The following RPS6KA5 variants were observed in gnomAD, a reference collection of about 807,000 sequenced individuals.
RPS6KA5 encodes ribosomal protein S6 kinase A5.
A neutral mutation model predicts 85.5 loss-of-function variants in RPS6KA5; 27 were observed. The ratio of observed to expected loss-of-function variants is 0.32; its 90% CI spans 0.23 to 0.44. RPS6KA5 has a LOEUF of 0.44. RPS6KA5 is among the 20% of genes least tolerant of loss of function. RPS6KA5 has a pLI of 1.00. For missense variants in RPS6KA5, 811 were observed against 980.9 expected (o/e 0.83, Z 2.31); for synonymous variants, 334 against 348.2 (o/e 0.96, Z 0.46).
At chr14:90,997,590 AG>A (rs2040585862) in intron 2 of RPS6KA5, among the ~76,000 whole-genome samples, 1 of 152,206 alleles carries the variant, frequency 6.6e-6, no homozygotes, top group Non-Finnish European at 1.5e-5. Context: ...TATTTTGCCC[AG>A]GCTAGTCTCC....
intron 1 of RPS6KA5, among the ~76,000 whole-genome samples, chr14:91,043,112 C>A (rs571040533): frequency 1.3e-5 from 2 of 152,180 alleles, no homozygotes; most frequent in African/African-American, 2.4e-5. Context: ...CCTGCCACCC[C>A]CTAAAGCATC....
At chr14:91,055,742 G>A (rs2043285749) in intron 1 of RPS6KA5, among the ~76,000 whole-genome samples, 1 of 152,192 alleles carries the variant, frequency 6.6e-6, no homozygotes. Flanking sequence ...TCGCACCACT[G>A]CACTCCAGCC....
chr14:90,987,275 G>A (rs1032559889), intron 2 of RPS6KA5, among the ~76,000 whole-genome samples: 3 of 152,072 alleles, frequency 2.0e-5, no homozygotes, highest in Non-Finnish European at 4.4e-5. Context: ...ACACTTAAAA[G>A]AATAAAATGA....
chr14:90,941,656 C>A (rs1360021109), intron 5 of RPS6KA5, among the ~76,000 whole-genome samples: 2 of 152,196 alleles, frequency 1.3e-5, no homozygotes, highest in Admixed American at 6.5e-5. Context: ...CCTCCTGGGT[C>A]CTGCATCACT....
intron 7 of RPS6KA5, among the ~76,000 whole-genome samples, chr14:90,914,048 A>G (rs1393988386): frequency 6.6e-6 from 1 of 152,224 alleles, no homozygotes; most frequent in Non-Finnish European, 1.5e-5. Flanking sequence ...AGTCGTGAAC[A>G]CAGAAAACTA....
intron 6 of RPS6KA5, among the ~76,000 whole-genome samples, chr14:90,920,618 A>C (rs1189867559): frequency 1.3e-5 from 2 of 151,776 alleles, no homozygotes; most frequent in African/African-American, 4.8e-5. Context: ...TGGGCTTATG[A>C]TAGGGAACTA....
At chr14:90,972,370 T>C (rs956962173) in intron 3 of RPS6KA5, among the ~76,000 whole-genome samples, 6 of 152,134 alleles carry the variant, frequency 3.9e-5, no homozygotes, top group Non-Finnish European at 8.8e-5. Flanking sequence ...AGAATTAAAA[T>C]ACATTGTAAA....
intron 1 of RPS6KA5, among the ~76,000 whole-genome samples, chr14:91,014,227 G>A (rs1159599867): frequency 6.6e-6 from 1 of 152,112 alleles, no homozygotes; most frequent in Non-Finnish European, 1.5e-5. Context: ...TAAGGCCGGG[G>A]TACGGTGGCT....
chr14:90,888,818 T>C (rs2140187451), intron 14 of RPS6KA5, among the ~76,000 whole-genome samples: 1 of 152,312 alleles, frequency 6.6e-6, no homozygotes, highest in South Asian at 2.1e-4. Flanking sequence ...TCTTCTCTGT[T>C]TAAATCCTTC....
At chr14:90,970,017 A>G (rs536426542) in intron 3 of RPS6KA5, among the ~76,000 whole-genome samples, 34 of 152,108 alleles carry the variant, frequency 2.2e-4, no homozygotes, top group African/African-American at 7.7e-4. Context: ...ATCTCTCTTG[A>G]TAGCTCCCTT....
At chr14:90,893,172 C>T (rs905805375) in intron 13 of RPS6KA5, among the ~76,000 whole-genome samples, 1 of 152,090 alleles carries the variant, frequency 6.6e-6, no homozygotes, top group Non-Finnish European at 1.5e-5. Flanking sequence ...CCTTGTCTAT[C>T]AAGAAAACAT....
chr14:90,885,252 C>CAA (rs997481800), intron 14 of RPS6KA5, among the ~76,000 whole-genome samples: 5,169 of 101,706 alleles, frequency 0.051, 143 homozygotes, highest in East Asian at 0.15. Flanking sequence ...GATCTTGTCT[C>CAA]AAAAAAAAAA....
intron 9 of RPS6KA5, 84 bp downstream of exon 9, chr14:90,902,723 AC>A (rs2035243677): frequency 7.7e-7 from 1 of 1,299,882 alleles, no homozygotes. Context: ...TATGATGCCA[AC>A]AAAACTACTT....
intron 5 of RPS6KA5, among the ~76,000 whole-genome samples, chr14:90,937,785 T>C (rs1420919852): frequency 6.6e-6 from 1 of 152,176 alleles, no homozygotes; most frequent in Non-Finnish European, 1.5e-5. Context: ...CTCATTATCA[T>C]GAGAACAGCA....
intron 14 of RPS6KA5, among the ~76,000 whole-genome samples, chr14:90,880,599 CCTT>C (rs1332581128): frequency 4.6e-5 from 7 of 151,838 alleles, no homozygotes; most frequent in African/African-American, 1.7e-4. Flanking sequence ...TCCTCTATTT[CCTT>C]CTTATCTTCT....
intron 12 of RPS6KA5, among the ~76,000 whole-genome samples, chr14:90,898,801 G>A (rs1354993760): frequency 6.6e-6 from 1 of 152,246 alleles, no homozygotes; most frequent in African/African-American, 2.4e-5. Context: ...AGAAGAGGGG[G>A]CAGCATGATC....
intron 1 of RPS6KA5, among the ~76,000 whole-genome samples, chr14:91,011,639 G>C (rs2041262110): frequency 6.6e-6 from 1 of 152,126 alleles, no homozygotes; most frequent in Non-Finnish European, 1.5e-5. Context: ...TGTCTTATTA[G>C]ACCACTTGAC....
chr14:90,865,508 T>C lies in RPS6KA5; in HGVS notation c.*6566A>G, dbSNP rs1006960216. ...GTATGAGGACTGACTGGGAGCCTCA[T>C]CTTGATCTGAATGATGGTTATATGG... On this transcript the variant is annotated 3_prime_UTR_variant, in exon 17 of 17. Transcript: ENST00000614987. The C allele has an allele frequency of 6.6e-6, 1 of 152,232 alleles. No individual in the cohort carries two copies. Among genetic ancestry groups the C allele is most frequent in the African/African-American group, 2.4e-5 (1 of 41,460 alleles). The allele number at this position is 152,232 out of a possible 1,614,324, so 9.4% of individuals were successfully genotyped here. A position where few individuals can be genotyped will look rare whatever the true frequency, so the allele number is the denominator to read the frequency against.
chr14:90,949,294 A>G (rs995016367), intron 3 of RPS6KA5, among the ~76,000 whole-genome samples: 1 of 152,230 alleles, frequency 6.6e-6, no homozygotes, highest in Non-Finnish European at 1.5e-5. Flanking sequence ...CAATTCAATC[A>G]TCTCTTCTTC....
Sources: allele counts gnomAD v4.1 joint callset (sites outside exome capture counted in the v4.1 genomes callset), GRCh38; gene constraint gnomAD v4.1.1; transcripts MANE v1.5; gene names NCBI Gene and HGNC (gene_info 2026-07-23, HGNC 2026-07-21).